Variants in ARHGEF9 observed in about 807,000 individuals in gnomAD.
The protein encoded by ARHGEF9 is Cdc42 guanine nucleotide exchange factor 9.
In ARHGEF9, 2 loss-of-function variants were observed where a neutral mutation model predicts 41.3. The observed-to-expected ratio is 0.05, with a 90% CI of 0.02 to 0.15. The LOEUF (loss-of-function observed/expected upper bound fraction) is 0.15, where lower values mean the gene tolerates loss of function less well. Ranked by LOEUF, ARHGEF9 falls within the 10% of genes least tolerant of loss-of-function variation. The pLI is 1.00. For missense variants in ARHGEF9, 225 were observed against 424.7 expected, an observed-to-expected ratio of 0.53 and a Z score of 4.13; for synonymous variants, 160 against 154.4, an observed-to-expected ratio of 1.04 and a Z score of -0.27.
rs1409260722 is a variant in ARHGEF9 at position 63,678,976 on chromosome X, A to T, written c.583-404T>A. On this transcript the variant is annotated intron_variant, in intron 4 of 9. Transcript: ENST00000671741. ...AAACCCTGCCACTGAGAGTAGCTGG[A>T]AAAGCTAAAAATATAAATAAATATC... 4.5e-5 allele frequency among the ~76,000 whole-genome samples: 5 copies of T among 112,024 alleles called. No individual in the cohort carries two copies. In the East Asian group the frequency reaches 1.1e-3, roughly 25 times the overall value.
At chrX:63,767,074 T>G (rs1395527807) in intron 1 of ARHGEF9, 1 of 999,134 alleles carries the variant, frequency 1.0e-6, no homozygotes, top group African/African-American at 1.9e-5. Flanking sequence ...GTGATCCACT[T>G]TAACAACCCT....
At chrX:63,691,099 C>T (rs1206957546) in intron 4 of ARHGEF9, among the ~76,000 whole-genome samples, 1 of 111,958 alleles carries the variant, frequency 8.9e-6, no homozygotes, top group Non-Finnish European at 1.9e-5. Context: ...ACTTTTACCA[C>T]TTATGTTCAG....
intron 3 of ARHGEF9, among the ~76,000 whole-genome samples, chrX:63,700,681 G>C (rs2052095656): frequency 9.0e-6 from 1 of 111,080 alleles, no homozygotes; most frequent in African/African-American, 3.3e-5. Context: ...AGAGGGGAGT[G>C]AGCAGGGTAG....
intron 6 of ARHGEF9, among the ~76,000 whole-genome samples, chrX:63,667,923 C>A (rs1556350755): frequency 9.0e-6 from 1 of 110,845 alleles, no homozygotes; most frequent in Non-Finnish European, 1.9e-5. Flanking sequence ...GAGAGGTTCC[C>A]ACCCTGATGC....
intron 1 of ARHGEF9, among the ~76,000 whole-genome samples, chrX:63,745,044 G>T: frequency 9.6e-6 from 1 of 103,776 alleles, no homozygotes; most frequent in East Asian, 3.1e-4. Flanking sequence ...AGGAGGGAGA[G>T]AGTGGGTGGA....
intron 5 of ARHGEF9, among the ~76,000 whole-genome samples, chrX:63,676,992 C>G (rs782269034): frequency 8.9e-6 from 1 of 112,049 alleles, no homozygotes; most frequent in Non-Finnish European, 1.9e-5. Flanking sequence ...CAAGACTACT[C>G]AGTCATGGAT....
chrX:63,746,145 C>T (rs140385304), intron 1 of ARHGEF9, among the ~76,000 whole-genome samples: 6,588 of 111,100 alleles, frequency 0.059, 205 homozygotes, highest in Non-Finnish European at 0.096. Context: ...TGTTTTTTCT[C>T]CTACTGCAAG....
chrX:63,748,021 G>A (rs1556436340), intron 1 of ARHGEF9, among the ~76,000 whole-genome samples: 1 of 112,035 alleles, frequency 8.9e-6, no homozygotes, highest in African/African-American at 3.3e-5. Context: ...TTTCTGATGG[G>A]GCTATCAGTT....
chrX:63,771,027 G>A (rs781868920), intron 1 of ARHGEF9, among the ~76,000 whole-genome samples: 10 of 112,227 alleles, frequency 8.9e-5, no homozygotes, highest in Non-Finnish European at 1.3e-4. Flanking sequence ...CCACATAAAC[G>A]CCAACATCTA....
In ARHGEF9 at chrX:63,766,332, C is replaced by T. The variant is rs1556451852; in HGVS notation, c.30+18784G>A. ...CATTTGTGTGTGAATAAACTGATAT[C>T]CAGAGGAGTTAGGTAATTTTTCTAG... On this transcript the variant is annotated intron_variant, in intron 1 of 9. Transcript: ENST00000671741. Among the ~76,000 whole-genome samples, 5 of 111,649 alleles carry T rather than the reference C, an allele frequency of 4.5e-5. No homozygotes were observed. The Admixed American group carries it at 4.7e-4, about 11-fold the overall frequency.
chrX:63,667,770 A>G (rs1214239722), intron 6 of ARHGEF9, among the ~76,000 whole-genome samples: 4 of 111,074 alleles, frequency 3.6e-5, no homozygotes, highest in African/African-American at 1.3e-4. Context: ...CTTAGCCTCA[A>G]TATTATCCAG....
intron 9 of ARHGEF9, chrX:63,640,236 C>A (rs1294639619): frequency 6.3e-5 from 7 of 111,860 alleles, no homozygotes; most frequent in African/African-American, 2.3e-4. Flanking sequence ...TAAAGATTTA[C>A]AATTATTACA....
intron 7 of ARHGEF9, among the ~76,000 whole-genome samples, chrX:63,661,207 C>T (rs781856097): frequency 3.4e-4 from 38 of 112,245 alleles, no homozygotes; most frequent in Non-Finnish European, 6.8e-4. Context: ...GCTCATCCTC[C>T]AAGTCTGACC....
chrX:63,745,256 G>A (rs2055196663), intron 1 of ARHGEF9, among the ~76,000 whole-genome samples: 1 of 111,013 alleles, frequency 9.0e-6, no homozygotes, highest in Non-Finnish European at 1.9e-5. Flanking sequence ...TGGATGTGCA[G>A]TGCTGGCCTC....
At chrX:63,666,078 T>C in intron 6 of ARHGEF9, 61 bp from the exon 7 acceptor site, 2 of 1,197,173 alleles carry the variant, frequency 1.7e-6, no homozygotes, top group African/African-American at 1.7e-5. Context: ...ATCACCTGCC[T>C]GGAGGCACCC....
rs1556453432 is a variant in ARHGEF9, at chrX:63,769,516, T to C, written c.30+15600A>G. 2.7e-5 allele frequency among the ~76,000 whole-genome samples: 3 copies of C among 112,289 alleles called. No individual in the cohort carries two copies. The South Asian group carries it at 1.1e-3, about 41-fold the overall frequency. On this transcript the variant is annotated intron_variant, in intron 1 of 9. Transcript: ENST00000671741. ...TGCGTAAGTAACAAGAAGTTAAATG[T>C]TAATCCCCAAGACAATGGGGAAAGT...
intron 9 of ARHGEF9, chrX:63,641,380 A>C (rs1361978087): frequency 5.4e-5 from 6 of 110,242 alleles, no homozygotes; most frequent in Admixed American, 4.8e-4. Flanking sequence ...AAAAGAAAGA[A>C]AGACAGAAAC....
intron 7 of ARHGEF9, among the ~76,000 whole-genome samples, chrX:63,664,294 T>A (rs185877046): frequency 2.1e-4 from 24 of 112,661 alleles, no homozygotes; most frequent in Admixed American, 5.6e-4. Context: ...CTCACTGTTT[T>A]ATGTTCTGGA....
chrX:63,694,405 A>G (rs1413022995), intron 4 of ARHGEF9, among the ~76,000 whole-genome samples: 1 of 112,334 alleles, frequency 8.9e-6, no homozygotes, highest in African/African-American at 3.2e-5. Flanking sequence ...AAAATATTGT[A>G]CTAGAATGTT....
Sources: allele counts gnomAD v4.1 joint callset (sites outside exome capture counted in the v4.1 genomes callset), GRCh38; gene constraint gnomAD v4.1.1; transcripts MANE v1.5; gene names NCBI Gene and HGNC (gene_info 2026-07-23, HGNC 2026-07-21).